Variants in FSTL4 observed in about 807,000 individuals in gnomAD.
FSTL4 encodes follistatin like 4.
A neutral mutation model predicts 78.2 loss-of-function variants in FSTL4; 28 were observed. That is an observed-to-expected ratio of 0.36 (90% confidence interval 0.27 to 0.49). The LOEUF (loss-of-function observed/expected upper bound fraction) is 0.49, where lower values mean the gene tolerates loss of function less well. Among genes scored for constraint, FSTL4 ranks in the 20% least tolerant of loss-of-function variants. The probability of loss-of-function intolerance (pLI) is 0.98; values close to 1 mark genes in which losing one functional copy is unlikely to be tolerated. For synonymous variants in FSTL4, 422 were observed against 440.5 expected (o/e 0.96, Z 0.53); for missense variants, 922 against 1,084.9 (o/e 0.85, Z 2.11).
At chr5:133,350,020 G>A (rs1184389165) in intron 4 of FSTL4, among the ~76,000 whole-genome samples, 1 of 146,122 alleles carries the variant, frequency 6.8e-6, no homozygotes, top group Non-Finnish European at 1.5e-5. Flanking sequence ...TTGTCATGCT[G>A]CCATGCGACT....
At chr5:133,581,578 C>T (rs1464272580) in intron 2 of FSTL4, among the ~76,000 whole-genome samples, 2 of 152,266 alleles carry the variant, frequency 1.3e-5, no homozygotes, top group Admixed American at 6.5e-5. Flanking sequence ...GAAGCTTTGT[C>T]CCCTGCAGCC....
intron 6 of FSTL4, among the ~76,000 whole-genome samples, chr5:133,294,827 G>T (rs1219873940): frequency 6.6e-6 from 1 of 152,058 alleles, no homozygotes; most frequent in African/African-American, 2.4e-5. Context: ...TGGTGATGTT[G>T]CTTCCTCCTT....
At chr5:133,412,328 A>G (rs550556013) in intron 3 of FSTL4, among the ~76,000 whole-genome samples, 1 of 152,288 alleles carries the variant, frequency 6.6e-6, no homozygotes, top group East Asian at 1.9e-4. Flanking sequence ...AGATTTGGCA[A>G]TAAAATAGAA....
intron 3 of FSTL4, among the ~76,000 whole-genome samples, chr5:133,471,308 C>A (rs1757822871): frequency 6.6e-6 from 1 of 152,180 alleles, no homozygotes; most frequent in Admixed American, 6.5e-5. Context: ...GTGAGTGAAT[C>A]AGCTTCTACT....
chr5:133,397,722 C>G (rs557471758), intron 4 of FSTL4, among the ~76,000 whole-genome samples: 1 of 152,300 alleles, frequency 6.6e-6, no homozygotes, highest in African/African-American at 2.4e-5. Context: ...CCCATCACTT[C>G]TCTCCTCTTG....
intron 6 of FSTL4, among the ~76,000 whole-genome samples, chr5:133,307,215 G>A (rs1404148220): frequency 6.6e-6 from 1 of 152,144 alleles, no homozygotes; most frequent in Non-Finnish European, 1.5e-5. Flanking sequence ...GTTAACCCAG[G>A]GCTGTGGGCA....
At chr5:133,497,298 A>G (rs1248402753) in intron 3 of FSTL4, among the ~76,000 whole-genome samples, 1 of 152,162 alleles carries the variant, frequency 6.6e-6, no homozygotes, top group Non-Finnish European at 1.5e-5. Flanking sequence ...TGACCTTGAG[A>G]TGGTCACCTT....
rs1756528640 is a variant in FSTL4, at chr5:133,413,985, G to T, written c.161-12999C>A. ...ATTCGGTATCATTTTGTTATTCACA[G>T]ATTTTGTTGGTTCTTACATGGCATT... On this transcript the variant is annotated intron_variant, in intron 3 of 15. Transcript: ENST00000265342. Among the ~76,000 whole-genome samples the T allele has an allele frequency of 2.0e-5, 3 of 152,024 alleles. No individual in the cohort carries two copies. The South Asian group carries it at 6.2e-4, about 32-fold the overall frequency.
the FSTL4 span, among the ~76,000 whole-genome samples, chr5:133,793,329 C>T: frequency 6.6e-6 from 1 of 152,248 alleles, no homozygotes; most frequent in Non-Finnish European, 1.5e-5. Context: ...TGGGCACATC[C>T]CCTCTGCCTG....
the FSTL4 span, among the ~76,000 whole-genome samples, chr5:133,825,548 T>A: frequency 2.6e-5 from 4 of 152,230 alleles, no homozygotes; most frequent in East Asian, 7.7e-4. Context: ...TCATCAGTAA[T>A]TCAAATGACC....
At chr5:133,766,505 GT>G in the FSTL4 span, among the ~76,000 whole-genome samples, 1 of 152,198 alleles carries the variant, frequency 6.6e-6, no homozygotes, top group Non-Finnish European at 1.5e-5. Flanking sequence ...GAATTTATTG[GT>G]TGCCTGGAGA....
chr5:133,401,975 G>A (rs1263067513), intron 3 of FSTL4, among the ~76,000 whole-genome samples: 1 of 152,100 alleles, frequency 6.6e-6, no homozygotes, highest in Non-Finnish European at 1.5e-5. Context: ...CGTGGCATAA[G>A]AAGAAAGTCA....
chr5:133,540,634 G>A (rs1381389560), intron 3 of FSTL4, among the ~76,000 whole-genome samples: 5 of 143,900 alleles, frequency 3.5e-5, no homozygotes, highest in Non-Finnish European at 7.5e-5. Flanking sequence ...GAACAAGTTT[G>A]ACTTTCAAGC....
intron 4 of FSTL4, among the ~76,000 whole-genome samples, chr5:133,386,840 T>C (rs1030437606): frequency 6.6e-6 from 1 of 152,176 alleles, no homozygotes; most frequent in Non-Finnish European, 1.5e-5. Flanking sequence ...CTTTCTTCCT[T>C]TGTAATGTGC....
chr5:133,228,929 G>T (rs1351868079), intron 8 of FSTL4, among the ~76,000 whole-genome samples: 16 of 152,178 alleles, frequency 1.1e-4, no homozygotes, highest in South Asian at 2.1e-4. Flanking sequence ...ATAGTACAAA[G>T]ATGGAGAAAA....
rs1426816353 is a variant in FSTL4, at chr5:133,611,261, G to C, written c.-11+1064C>G. Among the ~76,000 whole-genome samples, 1 of 152,102 alleles carries C rather than the reference G, an allele frequency of 6.6e-6. No individual in the cohort carries two copies. The highest frequency in any genetic ancestry group is 1.5e-5 in the Non-Finnish European group (1 of 68,008). On this transcript the variant is annotated intron_variant, in intron 1 of 15. Coordinates refer to ENST00000265342, the MANE Select transcript of FSTL4 (RefSeq NM_015082.2). The surrounding 1 kb of genome is among the most constrained non-coding windows in gnomAD (Gnocchi z 4.9). ...CGCGCACTCCTAGTGCACTTGCCGCGCCGCGCGGAGGCTCGCCGCGCTCTG... is the reference window on the plus strand; with the variant it reads ...CGCGCACTCCTAGTGCACTTGCCGCCCCGCGCGGAGGCTCGCCGCGCTCTG...
intron 3 of FSTL4, among the ~76,000 whole-genome samples, chr5:133,486,570 C>T (rs1758141934): frequency 6.6e-6 from 1 of 152,176 alleles, no homozygotes; most frequent in South Asian, 2.1e-4. Flanking sequence ...ACGTGTTTCC[C>T]TATGAAAAAT....
intron 3 of FSTL4, among the ~76,000 whole-genome samples, chr5:133,417,890 C>T (rs993679547): frequency 5.3e-5 from 7 of 132,218 alleles, no homozygotes; most frequent in Admixed American, 1.7e-4. Context: ...ACCCGGGAGG[C>T]GGAGGTTGCA....
At chr5:133,692,844 T>G in the FSTL4 span, among the ~76,000 whole-genome samples, 2 of 152,282 alleles carry the variant, frequency 1.3e-5, no homozygotes, top group South Asian at 4.2e-4. Flanking sequence ...AAATATCACT[T>G]CCTCAGGGGG....
Sources: gnomAD v4.1 joint callset for allele counts (sites outside exome capture counted in the v4.1 genomes callset) on GRCh38, gnomAD v4.1.1 for gene constraint, Gnocchi (gnomAD v3.1) non-coding constraint, MANE v1.5 for transcripts, NCBI Gene and HGNC (gene_info 2026-07-23, HGNC 2026-07-21) for gene names.